AGBL4: variants seen among roughly 807,000 people sequenced by gnomAD.
AGBL4 encodes the protein AGBL carboxypeptidase 4.
Under a neutral mutation model 66.4 loss-of-function variants are expected in AGBL4, and 58 were observed. The observed-to-expected ratio is 0.87, with a 90% CI of 0.71 to 1.09. AGBL4 has a LOEUF of 1.09. AGBL4 is among the 50% of genes least tolerant of loss of function. The pLI is 0.00. For missense variants in AGBL4, 579 were observed against 631.0 expected, an observed-to-expected ratio of 0.92 and a Z score of 0.88; for synonymous variants, 234 against 222.9, an observed-to-expected ratio of 1.05 and a Z score of -0.44.
At chr1:49,799,669 G>A (rs548208458) in intron 2 of AGBL4, among the ~76,000 whole-genome samples, 1 of 152,242 alleles carries the variant, frequency 6.6e-6, no homozygotes, top group South Asian at 2.1e-4. Context: ...AGGGCATCTT[G>A]ATGGCATCAT....
intron 2 of AGBL4, among the ~76,000 whole-genome samples, chr1:49,813,518 G>A (rs1053954567): frequency 2.6e-5 from 4 of 151,928 alleles, no homozygotes; most frequent in Non-Finnish European, 5.9e-5. Flanking sequence ...TCCCTCCTTG[G>A]TGACTCTATA....
At chr1:49,497,379 C>T (rs1166728524) in intron 3 of AGBL4, among the ~76,000 whole-genome samples, 1 of 151,836 alleles carries the variant, frequency 6.6e-6, no homozygotes, top group East Asian at 1.9e-4. Context: ...GACGTAATTA[C>T]ATTTGTTTAT....
chr1:49,202,486 A>G (rs901641032), intron 4 of AGBL4, among the ~76,000 whole-genome samples: 4 of 152,280 alleles, frequency 2.6e-5, no homozygotes, highest in African/African-American at 9.6e-5. Flanking sequence ...TATATGGTCA[A>G]TGATCTTTGA....
chr1:48,595,161 C>T (rs548259519), intron 9 of AGBL4, among the ~76,000 whole-genome samples: 20 of 152,258 alleles, frequency 1.3e-4, no homozygotes, highest in African/African-American at 4.1e-4. Flanking sequence ...GCCTCCTCTG[C>T]GCTCTTATAA....
At chr1:49,388,910 A>G (rs1288549342) in intron 3 of AGBL4, among the ~76,000 whole-genome samples, 2 of 152,188 alleles carry the variant, frequency 1.3e-5, no homozygotes, top group Non-Finnish European at 2.9e-5. Flanking sequence ...TTTGAAGCCT[A>G]GGTTCCTGGG....
At chr1:49,596,851 T>C (rs1644862486) in intron 3 of AGBL4, among the ~76,000 whole-genome samples, 1 of 152,172 alleles carries the variant, frequency 6.6e-6, no homozygotes, top group Non-Finnish European at 1.5e-5. Flanking sequence ...CTCATGCTTA[T>C]TGTGACTCTC....
chr1:48,764,648 C>T (rs1644443360), intron 6 of AGBL4, among the ~76,000 whole-genome samples: 1 of 152,212 alleles, frequency 6.6e-6, no homozygotes, highest in Admixed American at 6.5e-5. Context: ...GTGGAATAAA[C>T]TAGGCGTCAG....
At chr1:50,019,554 C>T (rs1173385137) in intron 1 of AGBL4, among the ~76,000 whole-genome samples, 1 of 151,954 alleles carries the variant, frequency 6.6e-6, no homozygotes, top group Non-Finnish European at 1.5e-5. Context: ...TTTACAATTT[C>T]AACATTCTGC....
chr1:49,818,370 G>GTT (rs11351923), intron 2 of AGBL4, among the ~76,000 whole-genome samples: 12 of 137,214 alleles, frequency 8.7e-5, no homozygotes, highest in Admixed American at 4.4e-4. Flanking sequence ...TGTTTTTTTT[G>GTT]TTTTTTTTTT....
intron 1 of AGBL4, among the ~76,000 whole-genome samples, chr1:49,928,060 CG>C (rs897269492): frequency 2.0e-5 from 3 of 151,438 alleles, no homozygotes; most frequent in African/African-American, 7.3e-5. Flanking sequence ...ATATAATTAA[CG>C]AGATAAAAAA....
intron 3 of AGBL4, among the ~76,000 whole-genome samples, chr1:49,431,929 CT>C (rs1048838711): frequency 6.6e-6 from 1 of 152,050 alleles, no homozygotes; most frequent in African/African-American, 2.4e-5. Context: ...ATATTAAGAC[CT>C]AAAAAACAGC....
chr1:49,282,714 G>A (rs566523844), intron 3 of AGBL4, among the ~76,000 whole-genome samples: 1 of 152,304 alleles, frequency 6.6e-6, no homozygotes, highest in South Asian at 2.1e-4. Flanking sequence ...CTTGGGAAGC[G>A]CAAGGGGTCA....
At chr1:49,978,641 T>C (rs1455200188) in intron 1 of AGBL4, among the ~76,000 whole-genome samples, 1 of 152,158 alleles carries the variant, frequency 6.6e-6, no homozygotes, top group African/African-American at 2.4e-5. Flanking sequence ...AACAGGTAAA[T>C]ATTTTCCAGA....
intron 11 of AGBL4, among the ~76,000 whole-genome samples, chr1:48,559,037 G>A (rs2803268): frequency 0.17 from 26,531 of 152,142 alleles, 2,804 homozygotes; most frequent in Middle Eastern, 0.31. Flanking sequence ...AACAGGGGCA[G>A]ATTGTTCTTA....
chr1:48,856,952 A>T (rs1232790309), intron 6 of AGBL4, among the ~76,000 whole-genome samples: 2 of 152,190 alleles, frequency 1.3e-5, no homozygotes, highest in Non-Finnish European at 2.9e-5. Context: ...ATAATATCAC[A>T]GATGAAGTGA....
chr1:49,938,838 G>A (rs1163658513), intron 1 of AGBL4, among the ~76,000 whole-genome samples: 2 of 151,904 alleles, frequency 1.3e-5, no homozygotes, highest in Admixed American at 1.3e-4. Flanking sequence ...CATAGTGTTG[G>A]AAGTTCTGGC....
Position 48,533,904 on chromosome 1 carries a change from G to T in AGBL4, c.*269C>A, listed in dbSNP as rs1451332679. The T allele has an allele frequency of 6.4e-6, 3 of 466,460 alleles. No individual in the cohort carries two copies. The East Asian group carries it at 1.3e-4, about 20-fold the overall frequency. 28.9% of individuals were successfully genotyped at this position (466,460 alleles called of 1,614,324 possible). A position where few individuals can be genotyped will look rare whatever the true frequency, so the allele number is the denominator to read the frequency against. Reference sequence around the variant, plus strand: ...TGTGTAGGTTTTCCTCATCTTGGAAGATCTCTATGTTGTAGAAAATAGCAT... The same window carrying T: ...TGTGTAGGTTTTCCTCATCTTGGAATATCTCTATGTTGTAGAAAATAGCAT... On this transcript the variant is annotated 3_prime_UTR_variant, in exon 14 of 14. Coordinates refer to ENST00000371839, the MANE Select transcript of AGBL4 (RefSeq NM_032785.4).
At chr1:49,186,273 G>T (rs1172635888) in intron 4 of AGBL4, among the ~76,000 whole-genome samples, 1 of 152,004 alleles carries the variant, frequency 6.6e-6, no homozygotes, top group Non-Finnish European at 1.5e-5. Context: ...AATGCCTAAT[G>T]AATTTATTCT....
chr1:48,997,917 T>G (rs1285898182), intron 5 of AGBL4, among the ~76,000 whole-genome samples: 1 of 152,210 alleles, frequency 6.6e-6, no homozygotes, highest in African/African-American at 2.4e-5. Context: ...TCAAATAGAT[T>G]GCAAATGCCT....
Sources: allele counts gnomAD v4.1 joint callset (sites outside exome capture counted in the v4.1 genomes callset), GRCh38; gene constraint gnomAD v4.1.1; transcripts MANE v1.5; gene names NCBI Gene and HGNC (gene_info 2026-07-23, HGNC 2026-07-21).